FLAD1: variants seen among roughly 807,000 people sequenced by gnomAD.
FLAD1 encodes the protein bifunctional FAD diphosphatase/FAD synthase.
Under a neutral mutation model 55.0 loss-of-function variants are expected in FLAD1, and 35 were observed. The observed-to-expected ratio is 0.64, with a 90% CI of 0.49 to 0.84. The LOEUF is 0.84. FLAD1 is among the 40% of genes least tolerant of loss of function. The pLI, the probability that FLAD1 is intolerant of heterozygous loss-of-function variation, is 0.00. For synonymous variants in FLAD1, 267 were observed against 303.0 expected (o/e 0.88, Z 1.23); for missense variants, 665 against 742.6 (o/e 0.90, Z 1.21).
rs374450378 is a variant in FLAD1, at chr1:154,993,069, G to A, written c.*32G>A. 17 of 1,596,174 alleles carry A rather than the reference G, an allele frequency of 1.1e-5. No homozygotes were observed. The African/African-American group carries it at 1.1e-4, about 10-fold the overall frequency. ...ACCCTAGGAGGGAGGGAAGGACACCGTCCTAGGGTATAACCTGGCAATAAA... is the reference window on the plus strand; with the variant it reads ...ACCCTAGGAGGGAGGGAAGGACACCATCCTAGGGTATAACCTGGCAATAAA... On this transcript the variant is annotated 3_prime_UTR_variant, in exon 7 of 7. Coordinates refer to ENST00000292180, the MANE Select transcript of FLAD1 (RefSeq NM_025207.5).
chr1:154,988,349 A>G lies in FLAD1; in HGVS notation c.617A>G (p.Glu206Gly). The G allele has an allele frequency of 6.2e-7, 1 of 1,614,124 alleles. No homozygotes were observed. Among genetic ancestry groups the G allele is most frequent in the Admixed American group, 1.7e-5 (1 of 60,008 alleles). The change falls in exon 2 of 7, where the codon GAA becomes GGA. Residue 206 changes from glutamate to glycine, a missense_variant. Coordinates refer to ENST00000292180, the MANE Select transcript of FLAD1 (RefSeq NM_025207.5). ...GAGCTGAAGCCACACCCCAAGTTGG[A>G]AGCAGCCACCAAAGCCCTAGGAGGG... ...GDELKPHPKL[E>G]AATKALGGEG...
Position 154,993,071 on chromosome 1 carries a change from C to G in FLAD1, c.*34C>G, listed in dbSNP as rs1657953821. 1 of 1,601,342 alleles carries G rather than the reference C, an allele frequency of 6.2e-7. No individual in the cohort carries two copies. Among genetic ancestry groups the G allele is most frequent in the African/African-American group, 1.3e-5 (1 of 74,764 alleles). On this transcript the variant is annotated 3_prime_UTR_variant, in exon 7 of 7. Transcript: ENST00000292180. ...CCTAGGAGGGAGGGAAGGACACCGT[C>G]CTAGGGTATAACCTGGCAATAAACC...
intron 1 of FLAD1, 63 bp from the exon 2 acceptor site, chr1:154,988,042 T>C (rs771503176): frequency 3.7e-6 from 6 of 1,613,012 alleles, no homozygotes; most frequent in Non-Finnish European, 5.1e-6. Flanking sequence ...GCAGCCATCA[T>C]CTTCAACCCC....
At chr1:154,990,036 G>A in intron 3 of FLAD1, 123 bp from the exon 4 acceptor site, 1 of 855,314 alleles carries the variant, frequency 1.2e-6, no homozygotes, top group Non-Finnish European at 1.9e-6. Flanking sequence ...TGGATGGAAA[G>A]GACAAGGAAA....
intron 1 of FLAD1, among the ~76,000 whole-genome samples, chr1:154,985,773 T>A (rs1043459217): frequency 2.1e-5 from 3 of 144,284 alleles, no homozygotes; most frequent in African/African-American, 7.8e-5. Context: ...TTGCCCAGGC[T>A]GGAGTGCAAT....
At chr1:154,992,653 G>A in intron 5 of FLAD1, 60 bp from the exon 6 acceptor site, 1 of 1,614,178 alleles carries the variant, frequency 6.2e-7, no homozygotes, top group Non-Finnish European at 8.5e-7. Flanking sequence ...TCCCAGGACA[G>A]CAGGGGTAGA....
In FLAD1 at chr1:154,990,371, G is replaced by A. The variant is rs763075058; in HGVS notation, c.1397G>A (p.Ser466Asn). The A allele has an allele frequency of 6.2e-7, 1 of 1,614,024 alleles. No homozygotes were observed. The highest frequency in any genetic ancestry group is 8.5e-7 in the Non-Finnish European group (1 of 1,179,952). The stretch of plus-strand genomic sequence containing the variant: ...CTGCAGATGTTGGAAGCTGAGGGCA[G>A]CATGAAGCAGGCCCTGGGTGAACTG... ...YNLQMLEAEGSMKQALGELQA... is the reference protein window; with the variant it reads ...YNLQMLEAEGNMKQALGELQA... The change falls in exon 5 of 7, where the codon AGC (serine) becomes AAC (asparagine). Residue 466 changes from serine to asparagine, a missense_variant. Coordinates refer to ENST00000292180, the MANE Select transcript of FLAD1 (RefSeq NM_025207.5).
At chr1:154,989,518 A>AT in intron 2 of FLAD1, 42 bp from the exon 3 acceptor site, 1 of 1,501,610 alleles carries the variant, frequency 6.7e-7, no homozygotes. Flanking sequence ...TTTGATAGCC[A>AT]TATGTGTCCA....
rs532652247 is a variant in FLAD1, at chr1:154,985,802, C to T, written c.372+1736C>T. ...GTGCAATGGCTCGATCTTGGCTCAC[C>T]GTAACCTCCGCCTCCTGGGTTCAAG... On this transcript the variant is annotated intron_variant, in intron 1 of 6. Transcript: ENST00000292180. 4.0e-5 allele frequency among the ~76,000 whole-genome samples: 6 copies of T among 149,440 alleles called. No homozygotes were observed. In the East Asian group the frequency reaches 9.8e-4, roughly 24 times the overall value.
chr1:154,987,056 G>T (rs571218528), intron 1 of FLAD1, among the ~76,000 whole-genome samples: 1 of 150,186 alleles, frequency 6.7e-6, no homozygotes, highest in Non-Finnish European at 1.5e-5. Flanking sequence ...TTTGGTGACA[G>T]GGTCCCTGTC....
Position 154,988,774 on chromosome 1 carries a change from C to T in FLAD1, c.1042C>T (p.Gln348Ter). ...GGCCTACCTGACTGCCCGTTTGCCC[C>T]AGGGATCGCTGGTCCCCTACATGCC... ...CLAYLTARLPQGSLVPYMPNA... is the reference protein window; with the variant it reads ...CLAYLTARLP Residue 348 changes from glutamine to a stop codon, truncating the protein, a stop_gained, in exon 2 of 7, where the codon CAG becomes TAG. Transcript: ENST00000292180. LOFTEE classifies it high-confidence loss of function. 2 of 1,614,202 alleles carry T rather than the reference C, an allele frequency of 1.2e-6. No individual in the cohort carries two copies. The highest frequency in any genetic ancestry group is 1.7e-6 in the Non-Finnish European group (2 of 1,180,050).
intron 5 of FLAD1, among the ~76,000 whole-genome samples, chr1:154,992,230 G>A (rs1657908147): frequency 6.6e-6 from 1 of 151,588 alleles, no homozygotes; most frequent in Non-Finnish European, 1.5e-5. Context: ...GGATCATGAA[G>A]TCAGGAGATG....
intron 1 of FLAD1, among the ~76,000 whole-genome samples, chr1:154,984,708 CAAAAAAAAAAA>C (rs201533169): frequency 8.5e-5 from 5 of 58,510 alleles, no homozygotes; most frequent in African/African-American, 2.3e-4. Flanking sequence ...AACTCCGTCT[CAAAAAAAAAAA>C]AAAAAAAAAG....
intron 5 of FLAD1, chr1:154,992,507 G>A: frequency 6.6e-7 from 1 of 1,515,084 alleles, no homozygotes; most frequent in East Asian, 2.3e-5. Context: ...GGTGGTTCAA[G>A]AATGGAAAGC....
At position 154,989,607 on chromosome 1, in the gene FLAD1, A is replaced by T. The variant is rs771399093; in HGVS notation, c.1165A>T (p.Thr389Ser). ...GGCAGGTGCCCTACAGACCATTGAG[A>T]CCTCCCTGGCTCAGTACAGCCTCAC... Reference protein sequence around the residue: ...KVAGALQTIETSLAQYSLTQL... With the variant: ...KVAGALQTIESSLAQYSLTQL... The change falls in exon 3 of 7, where the codon ACC becomes TCC. Residue 389 changes from threonine (T) to serine (S), a missense_variant. Thr to Ser is a moderately conservative substitution (Grantham distance 58). Coordinates refer to ENST00000292180, the MANE Select transcript of FLAD1 (RefSeq NM_025207.5). 1.3e-6 allele frequency: 2 copies of T among 1,598,730 alleles called. No homozygotes were observed. The highest frequency in any genetic ancestry group is 4.6e-5 in the East Asian group (2 of 43,806).
chr1:154,987,774 A>G, intron 1 of FLAD1: 1 of 472,436 alleles, frequency 2.1e-6, no homozygotes, highest in Non-Finnish European at 3.7e-6. Context: ...CCATTTCTAC[A>G]AAAAAAATTT....
At chr1:154,991,764 A>T (rs372132509) in intron 5 of FLAD1, among the ~76,000 whole-genome samples, 2 of 151,982 alleles carry the variant, frequency 1.3e-5, no homozygotes, top group East Asian at 3.9e-4. Context: ...AGGCGGGAAG[A>T]TCGCTTGAGC....
Position 154,989,652 on chromosome 1 carries a change from A to T in FLAD1, c.1210A>T (p.Asn404Tyr). The change falls in exon 3 of 7, where the codon AAC (asparagine) becomes TAC (tyrosine). Residue 404 changes from asparagine to tyrosine, a missense_variant. Transcript: ENST00000292180. ...CCTCACCCAGCTCTGTGTGGGCTTC[A>T]ACGGGGGCAAAGACTGCACTGCCCT... ...YSLTQLCVGF[N>Y]GGKDCTALLH... 6.3e-7 allele frequency: 1 copy of T among 1,598,302 alleles called. No individual in the cohort carries two copies. Among genetic ancestry groups the T allele is most frequent in the Non-Finnish European group, 8.5e-7 (1 of 1,171,030 alleles).
Position 154,988,392 on chromosome 1 carries a change from A to G in FLAD1, c.660A>G (p.Leu220=), listed in dbSNP as rs1041500319. Reference sequence around the variant, plus strand: ...TAGGAGGGGAAGGCTGGGAGAAGCTATCATTGGTGCCCTCCTCTGCCCGCC... The same window carrying G: ...TAGGAGGGGAAGGCTGGGAGAAGCTGTCATTGGTGCCCTCCTCTGCCCGCC... ...KALGGEGWEK[L]SLVPSSARLH... Residue 220 remains leucine, a synonymous_variant, in exon 2 of 7, where the codon CTA becomes CTG. Transcript: ENST00000292180. The G allele has an allele frequency of 1.2e-6, 2 of 1,614,192 alleles. No homozygotes were observed. Among genetic ancestry groups the G allele is most frequent in the Non-Finnish European group, 1.7e-6 (2 of 1,180,030 alleles).
Sources: allele counts gnomAD v4.1 joint callset (sites outside exome capture counted in the v4.1 genomes callset), GRCh38; gene constraint gnomAD v4.1.1; transcripts MANE v1.5; gene names NCBI Gene and HGNC (gene_info 2026-07-23, HGNC 2026-07-21).